Variants in DYNC2H1 observed in about 807,000 individuals in gnomAD.
DYNC2H1 encodes the protein dynein cytoplasmic 2 heavy chain 1.
Under a neutral mutation model 570.0 loss-of-function variants are expected in DYNC2H1, and 410 were observed. The observed-to-expected ratio is 0.72, with a 90% CI of 0.66 to 0.78. The LOEUF (loss-of-function observed/expected upper bound fraction) is 0.78. Among genes scored for constraint, DYNC2H1 ranks in the 30% least tolerant of loss-of-function variants. The pLI is 0.00. For synonymous variants in DYNC2H1, 1,688 were observed against 1,677.6 expected, an observed-to-expected ratio of 1.01 and a Z score of -0.15; for missense variants, 4,865 against 5,046.4, an observed-to-expected ratio of 0.96 and a Z score of 1.09.
At position 103,231,312 on chromosome 11, in the gene DYNC2H1, T is replaced by G; in HGVS notation, c.9406T>G (p.Ser3136Ala). The G allele has an allele frequency of 6.2e-7, 1 of 1,607,612 alleles. No homozygotes were observed. Among genetic ancestry groups the G allele is most frequent in the Non-Finnish European group, 8.5e-7 (1 of 1,177,152 alleles). ...RKRKLEELLN[S>A]VGQKVSELKE... ...AAGGAAACTAGAGGAGCTTCTTAAT[T>G]CTGTTGGTCAAAAGGTATCAGAACT... The change falls in exon 60 of 89, where the codon TCT becomes GCT. Residue 3136 changes from serine to alanine, a missense_variant. Around this residue, in one of 5 missense-constraint regions of DYNC2H1, gnomAD observed 2,401 missense variants for 2,454.6 expected, o/e 0.98. Transcript: ENST00000375735.
chr11:103,152,262 C>T lies in DYNC2H1; in HGVS notation c.3073C>T (p.His1025Tyr). ...WDKFELMMESHQLMIKDQIEV... is the reference protein window; with the variant it reads ...WDKFELMMESYQLMIKDQIEV... ...TAAATTTGAGTTAATGATGGAAAGT[C>T]ACCAACTTATGATTAAAGACCAGGT... is the stretch of plus-strand genomic sequence containing the variant. The change falls in exon 21 of 89, where the codon CAC becomes TAC. Residue 1025 changes from histidine (H) to tyrosine (Y), a missense_variant. Coordinates refer to ENST00000375735, the MANE Select transcript of DYNC2H1 (RefSeq NM_001377.3). The T allele has an allele frequency of 2.5e-6, 4 of 1,603,812 alleles. No homozygotes were observed. The highest frequency in any genetic ancestry group is 3.4e-6 in the Non-Finnish European group (4 of 1,176,790).
chr11:103,423,205 G>T (rs1426610358), intron 84 of DYNC2H1, among the ~76,000 whole-genome samples: 1 of 151,888 alleles, frequency 6.6e-6, no homozygotes, highest in Non-Finnish European at 1.5e-5. Context: ...CAGTGGAATG[G>T]AATCCATTAA....
At chr11:103,273,722 C>T (rs1439838967) in intron 70 of DYNC2H1, among the ~76,000 whole-genome samples, 2 of 152,084 alleles carry the variant, frequency 1.3e-5, no homozygotes, top group Admixed American at 1.3e-4. Flanking sequence ...CCATTTCCAG[C>T]TTAGAAAATT....
In DYNC2H1 at chr11:103,115,233, A is replaced by C; in HGVS notation, c.559A>C (p.Asn187His). The change falls in exon 4 of 89, where the codon AAT becomes CAT. Residue 187 changes from asparagine to histidine, a missense_variant. Asn to His is a moderately conservative substitution (Grantham distance 68). Coordinates refer to ENST00000375735, the MANE Select transcript of DYNC2H1 (RefSeq NM_001377.3). Reference sequence around the variant, plus strand: ...TTGGATAGAACAAGCTCACCGTGGAAATAAACAGATTAGTAAAGAAAGAGC... The same window carrying C: ...TTGGATAGAACAAGCTCACCGTGGACATAAACAGATTAGTAAAGAAAGAGC... ...QFWIEQAHRG[N>H]KQISKERANY... 6.2e-7 allele frequency: 1 copy of C among 1,610,518 alleles called. No homozygotes were observed. The highest frequency in any genetic ancestry group is 8.5e-7 in the Non-Finnish European group (1 of 1,178,270).
chr11:103,406,606 T>C (rs1202766168), intron 84 of DYNC2H1: 1 of 151,944 alleles, frequency 6.6e-6, no homozygotes, highest in Non-Finnish European at 1.5e-5. Context: ...GAGTGAGTGC[T>C]AGGAATGCGG....
At chr11:103,386,844 G>A (rs1223582094) in intron 83 of DYNC2H1, among the ~76,000 whole-genome samples, 1 of 152,018 alleles carries the variant, frequency 6.6e-6, no homozygotes, top group African/African-American at 2.4e-5. Context: ...CATTTTTTGT[G>A]GCTGCATAGT....
In DYNC2H1 at chr11:103,326,482, TGAG is replaced by T. The variant is rs1938487562; in HGVS notation, c.12039+2494_12039+2496del. ...GCACGTCCCACCCCTCTCAGTGATC[TGAG>T]GGTGGGCGCTTCTCCCCAGCTCCAG... is the stretch of plus-strand genomic sequence containing the variant. On this transcript the variant is annotated intron_variant, in intron 82 of 88. Coordinates refer to ENST00000375735, the MANE Select transcript of DYNC2H1 (RefSeq NM_001377.3). The surrounding 1 kb of genome is among the most constrained non-coding windows in gnomAD (Gnocchi z 6.1). Among the ~76,000 whole-genome samples, 1 of 152,178 alleles carries T rather than the reference TGAG, an allele frequency of 6.6e-6. No homozygotes were observed. The highest frequency in any genetic ancestry group is 1.5e-5 in the Non-Finnish European group (1 of 68,032).
intron 84 of DYNC2H1, among the ~76,000 whole-genome samples, chr11:103,435,011 T>G (rs1195916761): frequency 6.6e-6 from 1 of 152,124 alleles, no homozygotes; most frequent in Non-Finnish European, 1.5e-5. Context: ...TCAAAGGATT[T>G]GCAGTTGTGT....
In DYNC2H1 at chr11:103,446,280, A is replaced by G. The variant is rs374567954; in HGVS notation, c.12457-8906A>G. On this transcript the variant is annotated intron_variant, in intron 85 of 88. Coordinates refer to ENST00000375735, the MANE Select transcript of DYNC2H1 (RefSeq NM_001377.3). The surrounding 1 kb of genome is among the most constrained non-coding windows in gnomAD (Gnocchi z 4.5). ...AAGTATCTGGCACTGGTGCACTTCA[A>G]TATTGAGATGTTTAGAAAAGGAAAA... Among the ~76,000 whole-genome samples, 9 of 152,324 alleles carry G rather than the reference A, an allele frequency of 5.9e-5. No individual in the cohort carries two copies. The East Asian group carries it at 9.7e-4, about 16-fold the overall frequency.
chr11:103,307,295 A>G (rs4754908), intron 77 of DYNC2H1, among the ~76,000 whole-genome samples: 26,289 of 152,148 alleles, frequency 0.17, 2,462 homozygotes, highest in Admixed American at 0.26. Flanking sequence ...CATGAATTAA[A>G]GCAGTGAGAA....
In DYNC2H1 at chr11:103,257,590, T is replaced by A. The variant is rs766206054; in HGVS notation, c.10462-18T>A. ...AAGGTGTTTCCACCCTATCCCCTACTGATCTCTTGATCCATAGGAACGGGA... is the reference window on the plus strand; with the variant it reads ...AAGGTGTTTCCACCCTATCCCCTACAGATCTCTTGATCCATAGGAACGGGA... On this transcript the variant is annotated intron_variant, in intron 68 of 88. Coordinates refer to ENST00000375735, the MANE Select transcript of DYNC2H1 (RefSeq NM_001377.3). 6.2e-7 allele frequency: 1 copy of A among 1,602,858 alleles called. No individual in the cohort carries two copies. Among genetic ancestry groups the A allele is most frequent in the Admixed American group, 1.7e-5 (1 of 59,330 alleles).
chr11:103,460,024 C>CGTTTT (rs1045313556), intron 87 of DYNC2H1, among the ~76,000 whole-genome samples: 3 of 144,120 alleles, frequency 2.1e-5, no homozygotes, highest in Non-Finnish European at 4.5e-5. Flanking sequence ...TTAATTTTGT[C>CGTTTT]GTTTTGTTTT....
chr11:103,335,940 A>C (rs759660304), intron 82 of DYNC2H1, among the ~76,000 whole-genome samples: 1 of 152,166 alleles, frequency 6.6e-6, no homozygotes, highest in Non-Finnish European at 1.5e-5. Flanking sequence ...CATCTTTAGA[A>C]AGTTACTAAA....
At position 103,362,676 on chromosome 11, in the gene DYNC2H1, C is replaced by G. The variant is rs140226237; in HGVS notation, c.12156+4317C>G. On this transcript the variant is annotated intron_variant, in intron 83 of 88. Coordinates refer to ENST00000375735, the MANE Select transcript of DYNC2H1 (RefSeq NM_001377.3). ...TTGCCTTAGTTGACCAAATAGAGCG[C>G]TACAAAGTTGCTAAACATCCTTGTT... 3.3e-5 allele frequency among the ~76,000 whole-genome samples: 5 copies of G among 152,264 alleles called. No individual in the cohort carries two copies. The East Asian group carries it at 9.7e-4, about 29-fold the overall frequency.
At chr11:103,155,206 A>G in intron 24 of DYNC2H1, 125 bp from the exon 25 acceptor site, 1 of 921,754 alleles carries the variant, frequency 1.1e-6, no homozygotes, top group African/African-American at 1.7e-5. Context: ...AAGATTATTA[A>G]ACAAGAAAAT....
chr11:103,419,164 G>C (rs572139408), intron 84 of DYNC2H1, among the ~76,000 whole-genome samples: 49 of 152,304 alleles, frequency 3.2e-4, no homozygotes, highest in African/African-American at 1.1e-3. Context: ...GGGTAGGGGT[G>C]GCGGCCGTCT....
At chr11:103,463,059 A>G (rs574842929) in intron 87 of DYNC2H1, among the ~76,000 whole-genome samples, 1 of 152,336 alleles carries the variant, frequency 6.6e-6, no homozygotes, top group African/African-American at 2.4e-5. Flanking sequence ...CCTAACACAT[A>G]TAGTACAAAC....
chr11:103,368,075 G>A (rs1200821403), intron 83 of DYNC2H1, among the ~76,000 whole-genome samples: 3 of 152,058 alleles, frequency 2.0e-5, no homozygotes, highest in Admixed American at 1.3e-4. Context: ...TACAGTAAAC[G>A]TGGGAGTTCA....
At chr11:103,414,019 A>G (rs1793504) in intron 84 of DYNC2H1, among the ~76,000 whole-genome samples, 77,096 of 151,964 alleles carry the variant, frequency 0.51, 19,835 homozygotes, top group African/African-American at 0.6. Context: ...TTTTATCATT[A>G]TTATTTGAAA....
Sources: gnomAD v4.1 joint callset for allele counts (sites outside exome capture counted in the v4.1 genomes callset) on GRCh38, gnomAD v4.1.1 for gene constraint, gnomAD v4.1.1 regional missense constraint, Gnocchi (gnomAD v3.1) non-coding constraint, MANE v1.5 for transcripts, NCBI Gene and HGNC (gene_info 2026-07-23, HGNC 2026-07-21) for gene names.